Variants in IFI44 observed in about 807,000 individuals in gnomAD.
IFI44 encodes interferon induced protein 44, also known as interferon-induced protein 44.
In IFI44, 42 loss-of-function variants were observed where a neutral mutation model predicts 45.0. The observed-to-expected ratio is 0.93, with a 90% CI of 0.73 to 1.21. The LOEUF is 1.21. Among genes scored for constraint, IFI44 ranks in the 50% most tolerant of loss-of-function variants. The pLI, the probability that IFI44 is intolerant of heterozygous loss-of-function variation, is 0.00. For missense variants in IFI44, 623 were observed against 525.8 expected (o/e 1.18, Z -1.81); for synonymous variants, 221 against 188.6 (o/e 1.17, Z -1.41).
At position 78,663,752 on chromosome 1, in the gene IFI44, T is replaced by C; in HGVS notation, c.1289-13T>C. 6.2e-7 allele frequency: 1 copy of C among 1,611,340 alleles called. No individual in the cohort carries two copies. Among genetic ancestry groups the C allele is most frequent in the Non-Finnish European group, 8.5e-7 (1 of 1,179,098 alleles). On this transcript the variant is annotated splice_polypyrimidine_tract_variant and intron_variant, in intron 8 of 8. Transcript: ENST00000370747. ...GATAATCCACTAAGAATATTTTGTG[T>C]TTCTTTTCTCAGGGAATCTAAGGGA...
intron 7 of IFI44, among the ~76,000 whole-genome samples, chr1:78,661,533 G>C (rs1361943507): frequency 6.6e-6 from 1 of 151,936 alleles, no homozygotes; most frequent in African/African-American, 2.4e-5. Flanking sequence ...TTAAGGTTGA[G>C]CCAGTGTGTT....
rs995688597 is a variant in IFI44, at chr1:78,660,674, G to A, written c.1113+20G>A. 5.4e-6 allele frequency: 8 copies of A among 1,473,364 alleles called. No individual in the cohort carries two copies. The highest frequency in any genetic ancestry group is 1.7e-5 in the Admixed American group (1 of 59,760). The allele number at this position is 1,473,364 out of a possible 1,614,324, so 91.3% of individuals were successfully genotyped here. On this transcript the variant is annotated intron_variant, in intron 7 of 8. Coordinates refer to ENST00000370747, the MANE Select transcript of IFI44 (RefSeq NM_006417.5). ...TCCAAGGTAATGAATGATGCCCTTC[G>A]TAAACACATTTTCTGGGGTATGTTA...
chr1:78,654,895 A>G (rs1364100190), intron 3 of IFI44, 119 bp from the exon 4 acceptor site: 3 of 768,512 alleles, frequency 3.9e-6, no homozygotes, highest in Middle Eastern at 4.1e-4. Flanking sequence ...TCTTTCATGT[A>G]AGAAGTCAAG....
At chr1:78,657,987 C>G (rs1322497757) in intron 5 of IFI44, among the ~76,000 whole-genome samples, 1 of 151,870 alleles carries the variant, frequency 6.6e-6, no homozygotes. Flanking sequence ...TCAAGTAGTC[C>G]TGGTGTGGGG....
intron 2 of IFI44, among the ~76,000 whole-genome samples, chr1:78,652,213 C>T (rs1335650405): frequency 6.6e-6 from 1 of 152,122 alleles, no homozygotes; most frequent in Non-Finnish European, 1.5e-5. Context: ...TCCCGAGTAA[C>T]TGGGATTACA....
rs1647600469 is a variant in IFI44, at chr1:78,663,656, C to T, written c.1289-109C>T. 4.0e-6 allele frequency: 6 copies of T among 1,501,058 alleles called. No individual in the cohort carries two copies. In the Admixed American group the frequency reaches 6.9e-5, roughly 17 times the overall value. 93.0% of individuals were successfully genotyped at this position (1,501,058 alleles called of 1,614,324 possible). ...CCTTCTCTTCCTCATGGTACGTGTG[C>T]TCCTAATATTAGCGTTGGTTGAGAT... On this transcript the variant is annotated intron_variant, in intron 8 of 8. Transcript: ENST00000370747.
rs1304490762 is a variant in IFI44, at chr1:78,654,242, G to T, written c.458-1G>T. 6.8e-7 allele frequency: 1 copy of T among 1,478,762 alleles called. No individual in the cohort carries two copies. The highest frequency in any genetic ancestry group is 1.1e-5 in the South Asian group (1 of 87,498). The allele number at this position is 1,478,762 out of a possible 1,614,324, so 91.6% of individuals were successfully genotyped here. A position where few individuals can be genotyped will look rare whatever the true frequency, so the allele number is the denominator to read the frequency against. Reference sequence around the variant, plus strand: ...ACATTATTCTTTGATTATTTCCCCAGATTCACTGGATGAAAGAAAGATAAA... The same window carrying T: ...ACATTATTCTTTGATTATTTCCCCATATTCACTGGATGAAAGAAAGATAAA... On this transcript the variant is annotated splice_acceptor_variant, in intron 2 of 8. Coordinates refer to ENST00000370747, the MANE Select transcript of IFI44 (RefSeq NM_006417.5). LOFTEE classifies it high-confidence loss of function.
intron 7 of IFI44, among the ~76,000 whole-genome samples, chr1:78,662,147 G>A (rs1647495519): frequency 2.6e-5 from 4 of 152,168 alleles, no homozygotes; most frequent in Admixed American, 2.6e-4. Context: ...AGAATGCAAT[G>A]ATAGCAAGTA....
At position 78,650,652 on chromosome 1, in the gene IFI44, G is replaced by T. The variant is rs1174370892; in HGVS notation, c.457G>T (p.Asp153Tyr). 16 of 1,565,052 alleles carry T rather than the reference G, an allele frequency of 1.0e-5. No homozygotes were observed. The highest frequency in any genetic ancestry group is 1.4e-5 in the African/African-American group (1 of 73,178). ...IQDYEVFRCE[D>Y]SLDERKIKGV... ...GGATTATGAAGTTTTTCGATGCGAA[G>T]GTAGGTTTAATTAGATAATCCTGTA... Residue 153 changes from aspartate (D) to tyrosine (Y), a missense_variant and splice_region_variant, in exon 2 of 9, where the codon GAT becomes TAT. By Grantham distance (160) the Asp-to-Tyr change is radical. Coordinates refer to ENST00000370747, the MANE Select transcript of IFI44 (RefSeq NM_006417.5).
chr1:78,663,775 G>A lies in IFI44; in HGVS notation c.1299G>A (p.Arg433=). The part of the protein sequence containing the change: ...DLPFEQIGNL[R]EEIINCAQGK... ...TGTTTCTTTTCTCAGGGAATCTAAG[G>A]GAGGAAATTATCAACTGTGCACAAG... The change falls in exon 9 of 9, where the codon AGG becomes AGA. Residue 433 remains arginine (R), a synonymous_variant. Coordinates refer to ENST00000370747, the MANE Select transcript of IFI44 (RefSeq NM_006417.5). 6.2e-7 allele frequency: 1 copy of A among 1,612,220 alleles called. No individual in the cohort carries two copies. Among genetic ancestry groups the A allele is most frequent in the Non-Finnish European group, 8.5e-7 (1 of 1,179,350 alleles).
chr1:78,662,872 C>A lies in IFI44; in HGVS notation c.1282C>A (p.Gln428Lys), dbSNP rs187857671. Reference protein sequence around the residue: ...DDFLEDLPFEQIGNLREEIIN... With the variant: ...DDFLEDLPFEKIGNLREEIIN... ...CTTCTTAGAGGATTTGCCTTTTGAG[C>A]AAATAGGTAGATGGTTTGGTGGTGT... Residue 428 changes from glutamine (Q) to lysine (K), a missense_variant, in exon 8 of 9, where the codon CAA becomes AAA. Coordinates refer to ENST00000370747, the MANE Select transcript of IFI44 (RefSeq NM_006417.5). 5.0e-6 allele frequency: 8 copies of A among 1,585,944 alleles called. No individual in the cohort carries two copies. The East Asian group carries it at 1.1e-4, about 22-fold the overall frequency.
Position 78,659,435 on chromosome 1 carries a change from C to T in IFI44, c.964C>T (p.Gln322Ter), listed in dbSNP as rs765152418. The T allele has an allele frequency of 4.3e-6, 7 of 1,613,500 alleles. No individual in the cohort carries two copies. Among genetic ancestry groups the T allele is most frequent in the Non-Finnish European group, 5.9e-6 (7 of 1,179,638 alleles). The part of the protein sequence containing the change: ...DASSIQYFSS[Q>*]MIVKIKRIRR... The stretch of plus-strand genomic sequence containing the variant: ...CAGCTCTATTCAATACTTCTCCTCT[C>T]AGATGATAGTAAAGATCAAAAGAAT... The change falls in exon 6 of 9, where the codon CAG becomes TAG. Residue 322 changes from glutamine to a stop codon, truncating the protein, a stop_gained. Coordinates refer to ENST00000370747, the MANE Select transcript of IFI44 (RefSeq NM_006417.5). LOFTEE classifies it high-confidence loss of function.
intron 2 of IFI44, among the ~76,000 whole-genome samples, chr1:78,653,678 G>A (rs1402009112): frequency 6.6e-6 from 1 of 152,114 alleles, no homozygotes; most frequent in African/African-American, 2.4e-5. Flanking sequence ...CTGTGCTCTG[G>A]TTGGGTAGGC....
At chr1:78,650,010 A>G (rs914242517) in intron 1 of IFI44, 105 bp downstream of exon 1, 14 of 459,456 alleles carry the variant, frequency 3.0e-5, no homozygotes, top group Middle Eastern at 1.1e-3. Flanking sequence ...TTTTAATTTA[A>G]AAAACAATAA....
At chr1:78,652,934 T>C (rs927096891) in intron 2 of IFI44, among the ~76,000 whole-genome samples, 5 of 152,184 alleles carry the variant, frequency 3.3e-5, no homozygotes, top group African/African-American at 1.2e-4. Context: ...CTATAAGTAG[T>C]GTACAAAGGT....
intron 2 of IFI44, among the ~76,000 whole-genome samples, chr1:78,651,783 G>A (rs930717253): frequency 2.0e-5 from 3 of 152,068 alleles, no homozygotes; most frequent in African/African-American, 7.2e-5. Flanking sequence ...ATATAAGCGG[G>A]ATTATGTAGT....
chr1:78,653,405 T>TA (rs771802808), intron 2 of IFI44, among the ~76,000 whole-genome samples: 1 of 152,228 alleles, frequency 6.6e-6, no homozygotes, highest in Non-Finnish European at 1.5e-5. Context: ...TTGCTAGTCT[T>TA]ATTACATTAT....
chr1:78,656,917 T>C (rs1432175836), intron 5 of IFI44, among the ~76,000 whole-genome samples: 3 of 151,712 alleles, frequency 2.0e-5, no homozygotes, highest in African/African-American at 7.3e-5. Flanking sequence ...TTTTAAAATA[T>C]ACAAAGTAGT....
At chr1:78,659,822 A>G (rs144842821) in intron 6 of IFI44, among the ~76,000 whole-genome samples, 2 of 152,338 alleles carry the variant, frequency 1.3e-5, no homozygotes, top group Non-Finnish European at 2.9e-5. Flanking sequence ...CGCATGCTTT[A>G]TTGACCAATA....
Sources: gnomAD v4.1 joint callset for allele counts (sites outside exome capture counted in the v4.1 genomes callset) on GRCh38, gnomAD v4.1.1 for gene constraint, MANE v1.5 for transcripts, NCBI Gene and HGNC (gene_info 2026-07-23, HGNC 2026-07-21) for gene names.